Variants in GLT1D1 observed in about 807,000 individuals in gnomAD.
GLT1D1 encodes the protein glycosyltransferase 1 domain-containing protein 1.
In GLT1D1, 21 loss-of-function variants were observed where a neutral mutation model predicts 28.7. The observed-to-expected ratio is 0.73, with a 90% confidence interval of 0.52 to 1.05. The LOEUF (loss-of-function observed/expected upper bound fraction) is 1.05. Ranked by LOEUF, GLT1D1 falls within the 50% of genes least tolerant of loss-of-function variation. GLT1D1 has a pLI of 0.00. For synonymous variants in GLT1D1, 147 were observed against 124.8 expected, an observed-to-expected ratio of 1.18 and a Z score of -1.19; for missense variants, 343 against 330.6, an observed-to-expected ratio of 1.04 and a Z score of -0.29.
At chr12:128,873,943 CTTT>C (rs1956766476) in intron 1 of GLT1D1, among the ~76,000 whole-genome samples, 1 of 130,870 alleles carries the variant, frequency 7.6e-6, no homozygotes, top group South Asian at 2.7e-4. Context: ...CTTTTTCTTT[CTTT>C]CTTTCCTTCT....
At chr12:128,896,088 A>G (rs1424709127) in intron 3 of GLT1D1, among the ~76,000 whole-genome samples, 1 of 152,152 alleles carries the variant, frequency 6.6e-6, no homozygotes, top group Non-Finnish European at 1.5e-5. Flanking sequence ...TGGTGCAGTC[A>G]GGGGAGCTGC....
At position 128,944,401 on chromosome 12, in the gene GLT1D1, C is replaced by A. The variant is rs570196243; in HGVS notation, c.376-925C>A. The A allele has an allele frequency of 4.7e-4, 568 of 1,202,754 alleles. 1 individual carries two copies. Among genetic ancestry groups the A allele is most frequent in the Non-Finnish European group, 6.4e-4 (524 of 817,238 alleles). 74.5% of individuals were successfully genotyped at this position (1,202,754 alleles called of 1,614,324 possible). On this transcript the variant is annotated intron_variant, in intron 4 of 7. Coordinates refer to ENST00000281703, the MANE Select transcript of GLT1D1 (RefSeq NM_144669.3). ...CACCGCTTTTTTTCTGGTAATAGTC[C>A]AGGACTGGCTTTGTTTGGCTTCATA...
At chr12:128,912,866 C>T (rs1593122692) in intron 4 of GLT1D1, among the ~76,000 whole-genome samples, 1 of 151,996 alleles carries the variant, frequency 6.6e-6, no homozygotes, top group African/African-American at 2.4e-5. Flanking sequence ...AATGGGGTTT[C>T]GCCATGTTGC....
chr12:128,925,594 G>A (rs951345619), intron 4 of GLT1D1, among the ~76,000 whole-genome samples: 10 of 152,102 alleles, frequency 6.6e-5, no homozygotes, highest in Admixed American at 1.3e-4. Context: ...ATTGATGGGC[G>A]TTTGGGTTGA....
chr12:128,865,577 C>T (rs867970202), intron 1 of GLT1D1, among the ~76,000 whole-genome samples: 1 of 152,174 alleles, frequency 6.6e-6, no homozygotes, highest in Non-Finnish European at 1.5e-5. Flanking sequence ...AATCCCAGCA[C>T]TTTGGGAGGC....
chr12:128,950,222 G>C (rs975123395), intron 6 of GLT1D1, among the ~76,000 whole-genome samples: 7 of 152,152 alleles, frequency 4.6e-5, no homozygotes, highest in African/African-American at 1.7e-4. Context: ...GGTTCAAGGT[G>C]CCAGAATATA....
chr12:128,857,292 G>A (rs150319545), intron 1 of GLT1D1, among the ~76,000 whole-genome samples: 6 of 152,282 alleles, frequency 3.9e-5, no homozygotes, highest in African/African-American at 1.2e-4. Flanking sequence ...GGAAGGAGGC[G>A]GGCAGGGTTT....
intron 2 of GLT1D1, among the ~76,000 whole-genome samples, chr12:128,884,211 T>C (rs1957127879): frequency 6.6e-6 from 1 of 152,134 alleles, no homozygotes; most frequent in South Asian, 2.1e-4. Context: ...TATATATATA[T>C]GTAATGGAAA....
At chr12:128,908,042 C>CT (rs1007885626) in intron 4 of GLT1D1, among the ~76,000 whole-genome samples, 8 of 152,104 alleles carry the variant, frequency 5.3e-5, no homozygotes, top group African/African-American at 1.9e-4. Flanking sequence ...CACTCTCATC[C>CT]TTTTATTTTG....
At chr12:128,944,197 A>G (rs1875722897) in intron 4 of GLT1D1, 3 of 436,464 alleles carry the variant, frequency 6.9e-6, no homozygotes, top group African/African-American at 6.1e-5. Flanking sequence ...AATTCTTAGG[A>G]AAAGCAGCTT....
intron 6 of GLT1D1, among the ~76,000 whole-genome samples, chr12:128,951,006 T>C (rs983854031): frequency 2.6e-5 from 4 of 152,224 alleles, no homozygotes; most frequent in African/African-American, 9.6e-5. Flanking sequence ...TGAAAATTGC[T>C]AAGAGTAGAT....
intron 4 of GLT1D1, among the ~76,000 whole-genome samples, chr12:128,940,822 T>C (rs1875135167): frequency 6.6e-6 from 1 of 152,142 alleles, no homozygotes. Context: ...TGCCACGAAA[T>C]TCACCATTTT....
intron 4 of GLT1D1, among the ~76,000 whole-genome samples, chr12:128,904,008 A>T (rs371636839): frequency 4.2e-4 from 64 of 151,830 alleles, no homozygotes; most frequent in Admixed American, 3.6e-3. Context: ...GGATACAGGC[A>T]TGAGCCACTG....
intron 3 of GLT1D1, among the ~76,000 whole-genome samples, chr12:128,890,522 G>A (rs1184250781): frequency 6.6e-6 from 1 of 152,112 alleles, no homozygotes; most frequent in Non-Finnish European, 1.5e-5. Flanking sequence ...GGTGACTCAG[G>A]CCTGTAATCC....
intron 7 of GLT1D1, among the ~76,000 whole-genome samples, chr12:128,959,976 G>C (rs77325843): frequency 0.013 from 1,922 of 152,248 alleles, 16 homozygotes; most frequent in Non-Finnish European, 0.019. Flanking sequence ...AAAAGAATGA[G>C]AGCTGTTTGG....
chr12:128,905,058 C>T (rs1228802075), intron 4 of GLT1D1, among the ~76,000 whole-genome samples: 4 of 147,004 alleles, frequency 2.7e-5, no homozygotes, highest in Non-Finnish European at 4.5e-5. Flanking sequence ...CATGAGCCAC[C>T]GCGCCTGGCC....
intron 7 of GLT1D1, among the ~76,000 whole-genome samples, chr12:128,977,436 C>T (rs1008107092): frequency 6.6e-6 from 1 of 152,108 alleles, no homozygotes; most frequent in African/African-American, 2.4e-5. Flanking sequence ...ATCTGGTCTG[C>T]ACATGTGTTT....
chr12:128,901,497 C>T (rs533713549), intron 4 of GLT1D1, among the ~76,000 whole-genome samples: 10 of 150,614 alleles, frequency 6.6e-5, no homozygotes, highest in Admixed American at 1.3e-4. Context: ...AGTGCAGTGG[C>T]GCGATCTCGG....
At chr12:128,906,459 AAT>A (rs1348109366) in intron 4 of GLT1D1, among the ~76,000 whole-genome samples, 3 of 152,208 alleles carry the variant, frequency 2.0e-5, no homozygotes, top group Non-Finnish European at 2.9e-5. Flanking sequence ...GTTATGGTTT[AAT>A]ATGTCTCCAT....
Sources: allele counts gnomAD v4.1 joint callset (sites outside exome capture counted in the v4.1 genomes callset), GRCh38; gene constraint gnomAD v4.1.1; transcripts MANE v1.5; gene names NCBI Gene and HGNC (gene_info 2026-07-23, HGNC 2026-07-21).